PDE4D: variants seen among roughly 807,000 people sequenced by gnomAD.
PDE4D encodes the protein phosphodiesterase 4D.
A neutral mutation model predicts 87.4 loss-of-function variants in PDE4D; 24 were observed. That is an observed-to-expected ratio of 0.27 (90% confidence interval 0.20 to 0.39). PDE4D has a LOEUF of 0.39. Among genes scored for constraint, PDE4D ranks in the 10% least tolerant of loss-of-function variants. The probability of loss-of-function intolerance (pLI) is 1.00; values close to 1 mark genes in which losing one functional copy is unlikely to be tolerated. For synonymous variants in PDE4D, 384 were observed against 383.2 expected (o/e 1.00, Z -0.02); for missense variants, 714 against 1,041.0 (o/e 0.69, Z 4.32).
chr5:60,334,848 C>T (rs1757604921), intron 1 of PDE4D, among the ~76,000 whole-genome samples: 3 of 152,104 alleles, frequency 2.0e-5, no homozygotes, highest in Admixed American at 6.6e-5. Context: ...ATTTCCTACC[C>T]CTGTTTCCAT....
intron 1 of PDE4D, among the ~76,000 whole-genome samples, chr5:59,258,690 CATAT>C (rs540378166): frequency 1.4e-5 from 2 of 147,870 alleles, no homozygotes; most frequent in Non-Finnish European, 1.5e-5. Context: ...ATATAGATAA[CATAT>C]ATATAATCAT....
chr5:59,464,316 C>A (rs964751783), intron 1 of PDE4D, among the ~76,000 whole-genome samples: 4 of 151,382 alleles, frequency 2.6e-5, no homozygotes, highest in Admixed American at 1.3e-4. Flanking sequence ...GAATGTCTCA[C>A]TATAAAACCC....
chr5:59,347,286 G>C (rs1234782565), intron 1 of PDE4D, among the ~76,000 whole-genome samples: 1 of 152,062 alleles, frequency 6.6e-6, no homozygotes, highest in Non-Finnish European at 1.5e-5. Flanking sequence ...TTTATCCATA[G>C]CAACTTCCAG....
chr5:59,738,370 T>C (rs1284129411), intron 1 of PDE4D, among the ~76,000 whole-genome samples: 2 of 152,064 alleles, frequency 1.3e-5, no homozygotes, highest in Admixed American at 1.3e-4. Flanking sequence ...TCCCCATGAA[T>C]AGGACAGAGA....
intron 3 of PDE4D, among the ~76,000 whole-genome samples, chr5:59,969,627 T>A (rs1358737915): frequency 6.6e-6 from 1 of 152,142 alleles, no homozygotes; most frequent in East Asian, 1.9e-4. Flanking sequence ...ATAATCCCCA[T>A]GTGTCACAGG....
chr5:59,402,080 C>T (rs1269660068), intron 1 of PDE4D, among the ~76,000 whole-genome samples: 1 of 152,166 alleles, frequency 6.6e-6, no homozygotes, highest in African/African-American at 2.4e-5. Flanking sequence ...AGACAAGATT[C>T]TCCAGGCTAT....
intron 1 of PDE4D, among the ~76,000 whole-genome samples, chr5:59,678,036 A>T (rs370428316): frequency 3.9e-5 from 6 of 152,202 alleles, no homozygotes; most frequent in African/African-American, 1.2e-4. Flanking sequence ...TAATCCCATG[A>T]TTACTTAAAA....
chr5:59,899,614 A>G, intron 3 of PDE4D, among the ~76,000 whole-genome samples: 1 of 152,128 alleles, frequency 6.6e-6, no homozygotes, highest in East Asian at 1.9e-4. Context: ...AGCAAACTGA[A>G]GCAAATTAAG....
Position 59,917,412 on chromosome 5 carries a change from G to A in PDE4D, c.272+71076C>T, listed in dbSNP as rs140494489. Among the ~76,000 whole-genome samples the A allele has an allele frequency of 2.0e-5, 3 of 152,192 alleles. No homozygotes were observed. The East Asian group carries it at 5.8e-4, about 29-fold the overall frequency. ...ATAACTGCTTCATGAAAAGAACTTT[G>A]CAGGGCACTGATCACCCTCTCTGAC... On this transcript the variant is annotated intron_variant, in intron 3 of 16. Transcript: ENST00000502484.
At chr5:60,336,439 T>A (rs1287922687) in intron 1 of PDE4D, among the ~76,000 whole-genome samples, 1 of 152,224 alleles carries the variant, frequency 6.6e-6, no homozygotes, top group Non-Finnish European at 1.5e-5. Context: ...AGAACCCTAG[T>A]GTGTGCTTCC....
intron 1 of PDE4D, among the ~76,000 whole-genome samples, chr5:60,188,072 C>G (rs1292421128): frequency 6.6e-6 from 1 of 152,126 alleles, no homozygotes; most frequent in Non-Finnish European, 1.5e-5. Context: ...CAAGTAAAAA[C>G]AGCCCATTCT....
chr5:59,174,844 T>A (rs1054056933), intron 5 of PDE4D, among the ~76,000 whole-genome samples: 1 of 152,180 alleles, frequency 6.6e-6, no homozygotes, highest in African/African-American at 2.4e-5. Context: ...GCACCCTCTC[T>A]CACTAGGTCT....
chr5:59,783,118 GAGA>G (rs1342576172), intron 1 of PDE4D, among the ~76,000 whole-genome samples: 2 of 152,188 alleles, frequency 1.3e-5, no homozygotes, highest in Non-Finnish European at 2.9e-5. Flanking sequence ...CTAAAATGAG[GAGA>G]AGCTCAGGCA....
chr5:60,311,576 TGAAAA>T (rs1300560365), intron 1 of PDE4D, among the ~76,000 whole-genome samples: 3 of 152,010 alleles, frequency 2.0e-5, no homozygotes, highest in African/African-American at 7.3e-5. Flanking sequence ...GTACCAAATA[TGAAAA>T]GAAAAGAACA....
chr5:59,426,680 C>G (rs913500848), intron 1 of PDE4D, among the ~76,000 whole-genome samples: 3 of 152,098 alleles, frequency 2.0e-5, no homozygotes, highest in Admixed American at 6.5e-5. Flanking sequence ...AAACATGACA[C>G]CCGGCTGTGA....
chr5:59,873,347 C>G (rs1748104708), intron 1 of PDE4D, among the ~76,000 whole-genome samples: 2 of 152,174 alleles, frequency 1.3e-5, no homozygotes, highest in African/African-American at 4.8e-5. Flanking sequence ...TTTAAGGCCA[C>G]ACTCACATTT....
At chr5:59,302,961 C>A (rs941426899) in intron 1 of PDE4D, among the ~76,000 whole-genome samples, 4 of 152,198 alleles carry the variant, frequency 2.6e-5, no homozygotes, top group Non-Finnish European at 5.9e-5. Context: ...AATCCCCACA[C>A]TGTTTCCCAT....
chr5:60,015,418 C>A (rs1174777570), intron 2 of PDE4D, among the ~76,000 whole-genome samples: 1 of 152,138 alleles, frequency 6.6e-6, no homozygotes, highest in Non-Finnish European at 1.5e-5. Flanking sequence ...CAATAGAATG[C>A]AACAGTAATG....
intron 1 of PDE4D, among the ~76,000 whole-genome samples, chr5:59,776,238 C>T (rs1162003242): frequency 1.3e-5 from 2 of 152,094 alleles, no homozygotes; most frequent in East Asian, 3.9e-4. Flanking sequence ...AAGTCACCTT[C>T]AACAAGTTCA....
Sources: gnomAD v4.1 joint callset for allele counts (sites outside exome capture counted in the v4.1 genomes callset) on GRCh38, gnomAD v4.1.1 for gene constraint, MANE v1.5 for transcripts, NCBI Gene and HGNC (gene_info 2026-07-23, HGNC 2026-07-21) for gene names.